TMEM19: variants seen among roughly 807,000 people sequenced by gnomAD.
TMEM19 encodes transmembrane protein 19.
A neutral mutation model predicts 33.6 loss-of-function variants in TMEM19; 21 were observed. The observed-to-expected ratio is 0.62, with a 90% CI of 0.44 to 0.90. TMEM19 has a LOEUF of 0.90. Ranked by LOEUF, TMEM19 falls within the 40% of genes least tolerant of loss-of-function variation. The probability of loss-of-function intolerance (pLI) is 0.00; values close to 1 mark genes in which losing one functional copy is unlikely to be tolerated. For missense variants in TMEM19, 402 were observed against 401.8 expected, an observed-to-expected ratio of 1.00 and a Z score of 0.00; for synonymous variants, 149 against 147.5, an observed-to-expected ratio of 1.01 and a Z score of -0.07.
intron 2 of TMEM19, among the ~76,000 whole-genome samples, chr12:71,693,529 A>G (rs929631381): frequency 6.6e-6 from 1 of 152,220 alleles, no homozygotes; most frequent in Admixed American, 6.5e-5. Flanking sequence ...GAATAATGGT[A>G]TCTATAGCAA....
Position 71,697,451 on chromosome 12 carries a change from G to T in TMEM19, c.554G>T (p.Gly185Val), listed in dbSNP as rs768803009. The stretch of plus-strand genomic sequence containing the variant: ...TTGGCTGCACTGGCCTGCTCTGCTG[G>T]AGACACATGGGCTTCAGAAGTTGGC... ...SLLAALACSA[G>V]DTWASEVGPV... Residue 185 changes from glycine (G) to valine (V), a missense_variant, in exon 4 of 6, where the codon GGA becomes GTA. Gly to Val is a moderately radical substitution (Grantham distance 109). Transcript: ENST00000266673. 2 of 1,609,154 alleles carry T rather than the reference G, an allele frequency of 1.2e-6. No homozygotes were observed. Among genetic ancestry groups the T allele is most frequent in the Non-Finnish European group, 1.7e-6 (2 of 1,178,272 alleles).
intron 5 of TMEM19, 48 bp from the exon 6 acceptor site, chr12:71,700,784 T>G: frequency 2.1e-6 from 3 of 1,431,870 alleles, no homozygotes; most frequent in South Asian, 1.7e-5. Flanking sequence ...AGAAAAAAAA[T>G]GAAGTCATTT....
intron 2 of TMEM19, among the ~76,000 whole-genome samples, chr12:71,691,878 G>C (rs990198603): frequency 2.0e-5 from 3 of 151,928 alleles, no homozygotes; most frequent in Admixed American, 6.6e-5. Flanking sequence ...TGACTTTTAC[G>C]ATCTCTACTG....
intron 1 of TMEM19, among the ~76,000 whole-genome samples, chr12:71,688,645 AAATGGGAAAG>A (rs1208921647): frequency 6.6e-6 from 1 of 152,212 alleles, no homozygotes; most frequent in Non-Finnish European, 1.5e-5. Context: ...TGGGAACTTT[AAATGGGAAAG>A]CCACGGCCTG....
At position 71,701,041 on chromosome 12, in the gene TMEM19, T is replaced by C. The variant is rs1423884649; in HGVS notation, c.*46T>C. On this transcript the variant is annotated 3_prime_UTR_variant, in exon 6 of 6. Transcript: ENST00000266673. ...GTTGAAACTGGTGAGTCCAGCTAAA[T>C]TTGCAATTCCAACTTTCATCCTAAG... 1 of 1,488,170 alleles carries C rather than the reference T, an allele frequency of 6.7e-7. No homozygotes were observed. The highest frequency in any genetic ancestry group is 9.0e-7 in the Non-Finnish European group (1 of 1,112,972). The allele number at this position is 1,488,170 out of a possible 1,614,324, so 92.2% of individuals were successfully genotyped here. A position where few individuals can be genotyped will look rare whatever the true frequency, so the allele number is the denominator to read the frequency against.
chr12:71,689,731 G>A, intron 2 of TMEM19, 27 bp downstream of exon 2: 8 of 1,483,788 alleles, frequency 5.4e-6, no homozygotes, highest in Non-Finnish European at 7.5e-6. Context: ...AATGTTTACA[G>A]TAACTACTAA....
rs1189610819 is a variant in TMEM19, at chr12:71,689,786, TA to T, written c.244+83del. The T allele has an allele frequency of 9.9e-6, 9 of 908,534 alleles. No individual in the cohort carries two copies. In the African/African-American group the frequency reaches 1.2e-4, roughly 12 times the overall value. The allele number at this position is 908,534 out of a possible 1,614,324, so 56.3% of individuals were successfully genotyped here. A position where few individuals can be genotyped will look rare whatever the true frequency, so the allele number is the denominator to read the frequency against. On this transcript the variant is annotated intron_variant, in intron 2 of 5. Transcript: ENST00000266673. ...AAATTTATGTTTTCTAAATTCTGAA[TA>T]TATGAGACTGACTACAAATCACAGT...
At chr12:71,693,223 G>A (rs1021284579) in intron 2 of TMEM19, among the ~76,000 whole-genome samples, 2 of 151,436 alleles carry the variant, frequency 1.3e-5, no homozygotes, top group African/African-American at 4.8e-5. Flanking sequence ...TAGAGGCAGG[G>A]TCTCGCTCTA....
chr12:71,695,493 A>G (rs1258356896), intron 2 of TMEM19, among the ~76,000 whole-genome samples: 2 of 152,202 alleles, frequency 1.3e-5, no homozygotes, highest in African/African-American at 2.4e-5. Flanking sequence ...CAGTAGTTGC[A>G]TACAACTTTT....
Position 71,703,650 on chromosome 12 carries a change from G to A in TMEM19, c.*2655G>A. 5.8e-6 allele frequency: 1 copy of A among 172,480 alleles called. No individual in the cohort carries two copies. The highest frequency in any genetic ancestry group is 5.9e-5 in the Admixed American group (1 of 16,996). The allele number at this position is 172,480 out of a possible 1,614,324, so 10.7% of individuals were successfully genotyped here. Reference sequence around the variant, plus strand: ...AGCTATTCAAAAACTAATAGGATCTGTGTAAAATATTTCACTCAAAACTAC... The same window carrying A: ...AGCTATTCAAAAACTAATAGGATCTATGTAAAATATTTCACTCAAAACTAC... On this transcript the variant is annotated 3_prime_UTR_variant, in exon 6 of 6. Coordinates refer to ENST00000266673, the MANE Select transcript of TMEM19 (RefSeq NM_018279.4).
intron 2 of TMEM19, among the ~76,000 whole-genome samples, chr12:71,695,508 T>C (rs115870388): frequency 6.6e-6 from 1 of 152,344 alleles, no homozygotes; most frequent in African/African-American, 2.4e-5. Flanking sequence ...ACTTTTGTAA[T>C]GTTTTAAAAA....
intron 2 of TMEM19, among the ~76,000 whole-genome samples, chr12:71,691,670 C>G (rs1203804858): frequency 2.0e-5 from 3 of 148,276 alleles, no homozygotes; most frequent in Non-Finnish European, 4.5e-5. Flanking sequence ...CACCTGTAGT[C>G]CCAACTACAC....
At position 71,704,786 on chromosome 12, in the gene TMEM19, C is replaced by T. The variant is rs1225119303; in HGVS notation, c.*3791C>T. On this transcript the variant is annotated 3_prime_UTR_variant, in exon 6 of 6. Coordinates refer to ENST00000266673, the MANE Select transcript of TMEM19 (RefSeq NM_018279.4). ...TCAGTAAGCAGAGAGCGTGCCACCG[C>T]ACTCCAGCCTGGGTGACAGAGCAAG... The T allele has an allele frequency of 6.6e-6, 1 of 152,046 alleles. No homozygotes were observed. The highest frequency in any genetic ancestry group is 1.5e-5 in the Non-Finnish European group (1 of 68,050). 9.4% of individuals were successfully genotyped at this position (152,046 alleles called of 1,614,324 possible).
intron 2 of TMEM19, among the ~76,000 whole-genome samples, chr12:71,693,620 A>G (rs1232538577): frequency 6.6e-6 from 1 of 152,174 alleles, no homozygotes; most frequent in African/African-American, 2.4e-5. Context: ...GTTAGTTATT[A>G]TTACTGTTTT....
At chr12:71,696,357 A>G (rs1881870392) in intron 2 of TMEM19, 79 bp from the exon 3 acceptor site, 1 of 1,249,600 alleles carries the variant, frequency 8.0e-7, no homozygotes, top group Non-Finnish European at 1.1e-6. Context: ...TATAAAAATA[A>G]TGGAAAAAAT....
At chr12:71,698,690 TG>T (rs1881923458) in intron 4 of TMEM19, among the ~76,000 whole-genome samples, 1 of 151,892 alleles carries the variant, frequency 6.6e-6, no homozygotes, top group Admixed American at 6.6e-5. Flanking sequence ...CCAGGCAGTC[TG>T]GCTTCATTGA....
Position 71,686,412 on chromosome 12 carries a change from C to T in TMEM19, c.-269C>T. 1 of 327,244 alleles carries T rather than the reference C, an allele frequency of 3.1e-6. No homozygotes were observed. The highest frequency in any genetic ancestry group is 3.0e-5 in the South Asian group (1 of 32,830). 20.3% of individuals were successfully genotyped at this position (327,244 alleles called of 1,614,324 possible). On this transcript the variant is annotated 5_prime_UTR_variant, in exon 1 of 6. Transcript: ENST00000266673. Reference sequence around the variant, plus strand: ...CTCCGGCGTGAGGCGCTGAAGCGGCCGGCAGCCGGCGACCGGCCCTCACCG... The same window carrying T: ...CTCCGGCGTGAGGCGCTGAAGCGGCTGGCAGCCGGCGACCGGCCCTCACCG...
At chr12:71,690,909 C>T (rs148625189) in intron 2 of TMEM19, among the ~76,000 whole-genome samples, 191 of 152,314 alleles carry the variant, frequency 1.3e-3, no homozygotes, top group Non-Finnish European at 1.7e-3. Context: ...TGAATAAACT[C>T]TAGCAATGTG....
At chr12:71,686,855 G>T in intron 1 of TMEM19, 45 bp downstream of exon 1, 1 of 1,553,590 alleles carries the variant, frequency 6.4e-7, no homozygotes, top group Non-Finnish European at 8.7e-7. Context: ...TCTAGTCAGA[G>T]GAAATTAAAA....
Sources: allele counts gnomAD v4.1 joint callset (sites outside exome capture counted in the v4.1 genomes callset), GRCh38; gene constraint gnomAD v4.1.1; transcripts MANE v1.5; gene names NCBI Gene and HGNC (gene_info 2026-07-23, HGNC 2026-07-21).